The following NHS variants were observed in gnomAD, a reference collection of about 807,000 sequenced individuals.
NHS encodes actin remodeling regulator NHS.
In NHS, 5 loss-of-function variants were observed where a neutral mutation model predicts 72.5. That is an observed-to-expected ratio of 0.07 (90% CI 0.04 to 0.14). The LOEUF (loss-of-function observed/expected upper bound fraction) is 0.14, where lower values mean the gene tolerates loss of function less well. Among genes scored for constraint, NHS ranks in the 10% least tolerant of loss-of-function variants. The pLI, the probability that NHS is intolerant of heterozygous loss-of-function variation, is 1.00. For synonymous variants in NHS, 464 were observed against 547.7 expected, an observed-to-expected ratio of 0.85 and a Z score of 2.13; for missense variants, 1,072 against 1,355.7, an observed-to-expected ratio of 0.79 and a Z score of 3.29.
At chrX:17,556,377 G>A (rs2065373408) in intron 1 of NHS, among the ~76,000 whole-genome samples, 1 of 113,065 alleles carries the variant, frequency 8.8e-6, no homozygotes, top group Non-Finnish European at 1.9e-5. Flanking sequence ...AGGCTGCACA[G>A]ACCACGCAAA....
At chrX:17,668,682 C>A (rs1488717404) in intron 1 of NHS, among the ~76,000 whole-genome samples, 1 of 111,247 alleles carries the variant, frequency 9.0e-6, no homozygotes, top group Non-Finnish European at 1.9e-5. Context: ...CAGAAGTAGA[C>A]CCTGAGACAA....
At position 17,406,338 on chromosome X, in the gene NHS, G is replaced by A. The variant is rs1711640102; in HGVS notation, c.565+30016G>A. The stretch of plus-strand genomic sequence containing the variant: ...TTTCTAGAAGATGTCCTCTTAGTTT[G>A]CAGTCAGGGAGACTGGAAAATATGT... On this transcript the variant is annotated intron_variant, in intron 1 of 8. Coordinates refer to ENST00000676302, the MANE Select transcript of NHS (RefSeq NM_001291867.2). Among the ~76,000 whole-genome samples the A allele has an allele frequency of 5.4e-5, 6 of 111,462 alleles. No homozygotes were observed. In the Admixed American group the frequency reaches 5.7e-4, roughly 11 times the overall value.
chrX:17,696,008 C>A (rs1048153358), intron 3 of NHS, among the ~76,000 whole-genome samples: 1 of 108,766 alleles, frequency 9.2e-6, no homozygotes, highest in Non-Finnish European at 1.9e-5. Context: ...AGTTTAAGAT[C>A]ATTTATTTGG....
At chrX:17,554,301 TC>T (rs2065354251) in intron 1 of NHS, among the ~76,000 whole-genome samples, 1 of 112,212 alleles carries the variant, frequency 8.9e-6, no homozygotes, top group South Asian at 3.7e-4. Context: ...AGGGTGGAGT[TC>T]CTCATTGCAA....
intron 1 of NHS, among the ~76,000 whole-genome samples, chrX:17,623,067 A>G (rs2065781598): frequency 2.7e-5 from 3 of 111,271 alleles, no homozygotes; most frequent in Admixed American, 9.5e-5. Context: ...AGCTAGGACT[A>G]TAGTCATCCA....
At chrX:17,408,646 CT>C (rs1002796091) in intron 1 of NHS, among the ~76,000 whole-genome samples, 2 of 111,615 alleles carry the variant, frequency 1.8e-5, no homozygotes, top group African/African-American at 6.5e-5. Context: ...AAGCTCTTTT[CT>C]TTTATTCTAG....
At chrX:17,552,819 C>T (rs1434594177) in intron 1 of NHS, among the ~76,000 whole-genome samples, 1 of 112,510 alleles carries the variant, frequency 8.9e-6, no homozygotes, top group Non-Finnish European at 1.9e-5. Flanking sequence ...GTGAGAAATG[C>T]AGAATCTCAG....
intron 1 of NHS, among the ~76,000 whole-genome samples, chrX:17,525,741 T>C (rs1251722282): frequency 9.2e-6 from 1 of 109,052 alleles, no homozygotes; most frequent in Non-Finnish European, 1.9e-5. Flanking sequence ...TTGGTTTTGA[T>C]TTTTGTCTTT....
intron 1 of NHS, among the ~76,000 whole-genome samples, chrX:17,662,024 A>C (rs958334713): frequency 6.3e-5 from 7 of 111,827 alleles, no homozygotes; most frequent in Non-Finnish European, 9.4e-5. Flanking sequence ...AGCCCTGCTT[A>C]ATCCATTTCC....
At chrX:17,552,744 C>T (rs1276300140) in intron 1 of NHS, among the ~76,000 whole-genome samples, 1 of 111,611 alleles carries the variant, frequency 9.0e-6, no homozygotes, top group Non-Finnish European at 1.9e-5. Context: ...TGGGTTGTGG[C>T]CTCCCTGAAA....
Position 17,726,509 on chromosome X carries a change from C to A in NHS, c.2403C>A (p.Val801=). The change falls in exon 7 of 9, where the codon GTC becomes GTA. Residue 801 remains valine, a synonymous_variant. Transcript: ENST00000676302. ...DCGLKGNKSY[V]CHYAALGPEN... ...GTCTCAAAGGTAATAAGAGCTATGT[C>A]TGTCACTATGCAGCCCTGGGCCCAG... The A allele has an allele frequency of 2.5e-6, 3 of 1,212,029 alleles. No homozygotes were observed. The highest frequency in any genetic ancestry group is 3.4e-6 in the Non-Finnish European group (3 of 895,507).
chrX:17,587,654 A>G (rs2065582369), intron 1 of NHS, among the ~76,000 whole-genome samples: 1 of 112,496 alleles, frequency 8.9e-6, no homozygotes, highest in African/African-American at 3.2e-5. Context: ...GAAATTCTGT[A>G]CAGGGCTGTG....
chrX:17,591,493 A>G (rs1296684179), intron 1 of NHS, among the ~76,000 whole-genome samples: 1 of 111,971 alleles, frequency 8.9e-6, no homozygotes, highest in East Asian at 2.8e-4. Flanking sequence ...TATTATTTCC[A>G]TGGTATTTGG....
intron 1 of NHS, among the ~76,000 whole-genome samples, chrX:17,576,127 A>G (rs1027453476): frequency 1.8e-5 from 2 of 111,573 alleles, no homozygotes; most frequent in African/African-American, 6.5e-5. Context: ...TATTCCCTGA[A>G]TAGCACTTAT....
At chrX:17,376,516 C>T (rs900915626) in intron 1 of NHS, among the ~76,000 whole-genome samples, 194 bp downstream of exon 1, 1 of 112,468 alleles carries the variant, frequency 8.9e-6, no homozygotes. Flanking sequence ...CTGGGCTGGA[C>T]CCCGATTCAG....
chrX:17,472,614 A>C (rs1215207570), intron 1 of NHS, among the ~76,000 whole-genome samples: 4 of 112,417 alleles, frequency 3.6e-5, no homozygotes, highest in African/African-American at 1.3e-4. Flanking sequence ...TTCAAAGGTC[A>C]GTGTTTATCT....
intron 1 of NHS, among the ~76,000 whole-genome samples, chrX:17,383,587 G>A (rs1422838913): frequency 8.9e-6 from 1 of 112,278 alleles, no homozygotes; most frequent in Non-Finnish European, 1.9e-5. Context: ...GCAGGAGAGA[G>A]AGCAAGAGTG....
rs2066020214 is a variant in NHS, at chrX:17,667,620, T to A, written c.566-20122T>A. Among the ~76,000 whole-genome samples the A allele has an allele frequency of 2.7e-5, 3 of 111,428 alleles. No homozygotes were observed. In the South Asian group the frequency reaches 1.2e-3, roughly 43 times the overall value. On this transcript the variant is annotated intron_variant, in intron 1 of 8. Transcript: ENST00000676302. ...GGGTAAACTAGATGGAAGGAGGTTG[T>A]GTTCCTCAGCCAGATGTAGGTATTG... is the stretch of plus-strand genomic sequence containing the variant.
intron 1 of NHS, among the ~76,000 whole-genome samples, chrX:17,685,053 G>T (rs2066154038): frequency 8.9e-6 from 1 of 111,917 alleles, no homozygotes; most frequent in South Asian, 3.8e-4. Flanking sequence ...GCTCACGAAT[G>T]AATGGATTCA....
Sources: gnomAD v4.1 joint callset for allele counts (sites outside exome capture counted in the v4.1 genomes callset) on GRCh38, gnomAD v4.1.1 for gene constraint, MANE v1.5 for transcripts, NCBI Gene and HGNC (gene_info 2026-07-23, HGNC 2026-07-21) for gene names.